The following NT5DC3 variants were observed in gnomAD, a reference collection of about 807,000 sequenced individuals.
The protein encoded by NT5DC3 is 5'-nucleotidase domain-containing protein 3.
NT5DC3 carries 42 observed loss-of-function variants against 67.8 expected under a neutral mutation model. That is an observed-to-expected ratio of 0.62 (90% CI 0.48 to 0.80). NT5DC3 has a LOEUF of 0.80. NT5DC3 is among the 30% of genes least tolerant of loss of function. The pLI is 0.00. For synonymous variants in NT5DC3, 237 were observed against 255.6 expected (o/e 0.93, Z 0.69); for missense variants, 570 against 696.4 (o/e 0.82, Z 2.04).
At chr12:103,835,090 G>C (rs1888090135) in intron 1 of NT5DC3, among the ~76,000 whole-genome samples, 1 of 152,134 alleles carries the variant, frequency 6.6e-6, no homozygotes, top group South Asian at 2.1e-4. Context: ...CCTCATCCAT[G>C]CAACACTGGT....
chr12:103,788,116 T>C (rs1885874371), intron 10 of NT5DC3, among the ~76,000 whole-genome samples: 1 of 152,276 alleles, frequency 6.6e-6, no homozygotes, highest in East Asian at 1.9e-4. Context: ...ATTCAAATAT[T>C]TGAAAGCCTC....
At chr12:103,795,214 G>C (rs1886259441) in intron 6 of NT5DC3, among the ~76,000 whole-genome samples, 6 of 152,226 alleles carry the variant, frequency 3.9e-5, no homozygotes. Flanking sequence ...CCTTGGGCAA[G>C]CAACTCAACC....
intron 4 of NT5DC3, among the ~76,000 whole-genome samples, chr12:103,805,720 C>T (rs1269368583): frequency 2.0e-5 from 3 of 151,912 alleles, no homozygotes; most frequent in Non-Finnish European, 4.4e-5. Context: ...GTGGCATGTG[C>T]CTGTAGTCCC....
chr12:103,806,603 TTCC>T (rs1000992686), intron 3 of NT5DC3, among the ~76,000 whole-genome samples: 1 of 152,176 alleles, frequency 6.6e-6, no homozygotes, highest in Non-Finnish European at 1.5e-5. Flanking sequence ...TGGCAACTGG[TTCC>T]TCCTCCAAAC....
At chr12:103,750,405 A>G in the NT5DC3 span, among the ~76,000 whole-genome samples, 2 of 152,234 alleles carry the variant, frequency 1.3e-5, no homozygotes, top group Non-Finnish European at 2.9e-5. Flanking sequence ...ATGAGGTTTC[A>G]TCATAAGCCT....
chr12:103,760,388 G>C, the NT5DC3 span, among the ~76,000 whole-genome samples: 1 of 152,132 alleles, frequency 6.6e-6, no homozygotes, highest in Non-Finnish European at 1.5e-5. Flanking sequence ...AGCCTCCCGC[G>C]TAGCTGGGAC....
Position 103,794,002 on chromosome 12 carries a change from C to G in NT5DC3, c.754-5G>C. ...GTGGACGTCTCGAATTGAATCCTGC[C>G]AAAAGATACATTTTTAATCAGCGAA... On this transcript the variant is annotated splice_region_variant and splice_polypyrimidine_tract_variant and intron_variant, in intron 6 of 13. Coordinates refer to ENST00000392876, the MANE Select transcript of NT5DC3 (RefSeq NM_001031701.3). 6.2e-7 allele frequency: 1 copy of G among 1,612,178 alleles called. No individual in the cohort carries two copies. The highest frequency in any genetic ancestry group is 1.7e-4 in the Middle Eastern group (1 of 6,060).
the NT5DC3 span, among the ~76,000 whole-genome samples, chr12:103,760,816 T>C: frequency 6.6e-6 from 1 of 152,244 alleles, no homozygotes; most frequent in Non-Finnish European, 1.5e-5. Flanking sequence ...AAATTTAATG[T>C]GCATTTGAAT....
intron 1 of NT5DC3, among the ~76,000 whole-genome samples, chr12:103,840,372 G>A (rs1888330294): frequency 2.0e-5 from 2 of 100,598 alleles, no homozygotes; most frequent in Admixed American, 2.4e-4. Context: ...TTCAAACACC[G>A]CACAGCTCAT....
chr12:103,827,385 G>A (rs950589003), intron 1 of NT5DC3, among the ~76,000 whole-genome samples: 1 of 152,154 alleles, frequency 6.6e-6, no homozygotes, highest in African/African-American at 2.4e-5. Context: ...AAGTCTACTT[G>A]AGACTAATCT....
At position 103,798,626 on chromosome 12, in the gene NT5DC3, G is replaced by A. The variant is rs765940735; in HGVS notation, c.576C>T (p.Ser192=). 10 of 1,613,862 alleles carry A rather than the reference G, an allele frequency of 6.2e-6. No homozygotes were observed. The highest frequency in any genetic ancestry group is 1.3e-5 in the African/African-American group (1 of 74,906). Residue 192 remains serine, a synonymous_variant, in exon 5 of 14, where the codon TCC becomes TCT. Transcript: ENST00000392876. ...DEEVIEMYEG[S]HVPLEQMSDF... ...CACTCATCTGCTCCAAGGGCACGTG[G>A]GACCCCTCGTACATTTCAATGACTT...
the NT5DC3 span, among the ~76,000 whole-genome samples, chr12:103,756,196 G>C: frequency 2.0e-5 from 3 of 152,200 alleles, no homozygotes; most frequent in Non-Finnish European, 4.4e-5. Flanking sequence ...GAGTCAATTT[G>C]CGTCTTGCAC....
rs3036176 is a variant in NT5DC3, at chr12:103,786,681, A to ATTTTTTTTTTTT, written c.1188+748_1188+759dup. Among the ~76,000 whole-genome samples, 53 of 132,372 alleles carry ATTTTTTTTTTTT rather than the reference A, an allele frequency of 4.0e-4. 5 individuals are homozygous for ATTTTTTTTTTTT. Among genetic ancestry groups the ATTTTTTTTTTTT allele is most frequent in the East Asian group, 7.9e-4 (3 of 3,806 alleles). The allele number at this position is 132,372 out of a possible 152,430, so 86.8% of individuals were successfully genotyped here. ...GATGCCCACCTTCCTCACTGGTTTG[A>ATTTTTTTTTTTT]TTTTTTTTTTTTTTTTTTTGAGGCA... is the stretch of plus-strand genomic sequence containing the variant. On this transcript the variant is annotated intron_variant, in intron 11 of 13. Coordinates refer to ENST00000392876, the MANE Select transcript of NT5DC3 (RefSeq NM_001031701.3).
At chr12:103,749,841 C>CAAAAAAAAAAAAAAAAAAAAAAAA in the NT5DC3 span, among the ~76,000 whole-genome samples, 1 of 51,152 alleles carries the variant, frequency 2.0e-5, no homozygotes, top group Non-Finnish European at 3.5e-5. Flanking sequence ...CTCTGTCTCA[C>CAAAAAAAAAAAAAAAAAAAAAAAA]AAAAAAAAAA....
chr12:103,802,036 G>A (rs575983430), intron 4 of NT5DC3: 2 of 152,296 alleles, frequency 1.3e-5, no homozygotes, highest in African/African-American at 2.4e-5. Flanking sequence ...CCCAGGAAGC[G>A]TGAGTGACTC....
At position 103,803,969 on chromosome 12, in the gene NT5DC3, G is replaced by A. The variant is rs560508355; in HGVS notation, c.524+2353C>T. On this transcript the variant is annotated intron_variant, in intron 4 of 13. Coordinates refer to ENST00000392876, the MANE Select transcript of NT5DC3 (RefSeq NM_001031701.3). ...CAGACTCTGGACCCAGGCTGCCTGG[G>A]TCTGAATTCTAGCCCAGGCAATTAT... Among the ~76,000 whole-genome samples, 4 of 152,106 alleles carry A rather than the reference G, an allele frequency of 2.6e-5. No individual in the cohort carries two copies. In the East Asian group the frequency reaches 7.8e-4, roughly 30 times the overall value.
chr12:103,760,026 G>A, the NT5DC3 span, among the ~76,000 whole-genome samples: 1 of 152,228 alleles, frequency 6.6e-6, no homozygotes, highest in Non-Finnish European at 1.5e-5. Flanking sequence ...GTGGATATGA[G>A]TGGAAGATAA....
At chr12:103,799,367 C>A (rs1028442449) in intron 4 of NT5DC3, among the ~76,000 whole-genome samples, 2 of 152,136 alleles carry the variant, frequency 1.3e-5, no homozygotes, top group African/African-American at 4.8e-5. Flanking sequence ...ACTGAATCAC[C>A]GGAGCTGTTT....
At chr12:103,761,248 G>A in the NT5DC3 span, 2 of 1,557,564 alleles carry the variant, frequency 1.3e-6, no homozygotes, top group African/African-American at 2.7e-5. Context: ...CCTCCATGGA[G>A]GGCTGCCCAC....
Sources: gnomAD v4.1 joint callset for allele counts (sites outside exome capture counted in the v4.1 genomes callset) on GRCh38, gnomAD v4.1.1 for gene constraint, MANE v1.5 for transcripts, NCBI Gene and HGNC (gene_info 2026-07-23, HGNC 2026-07-21) for gene names.